ESPNL: variants seen among roughly 807,000 people sequenced by gnomAD.
The protein encoded by ESPNL is espin like.
Under a neutral mutation model 46.8 loss-of-function variants are expected in ESPNL, and 49 were observed. That is an observed-to-expected ratio of 1.05 (90% CI 0.83 to 1.33). The LOEUF (loss-of-function observed/expected upper bound fraction) is 1.33, where lower values mean the gene tolerates loss of function less well. Among genes scored for constraint, ESPNL ranks in the 40% most tolerant of loss-of-function variants. The pLI is 0.00. For synonymous variants in ESPNL, 664 were observed against 662.1 expected (o/e 1.00, Z -0.04); for missense variants, 1,540 against 1,436.6 (o/e 1.07, Z -1.16).
intron 5 of ESPNL, among the ~76,000 whole-genome samples, chr2:238,117,874 G>A (rs145365944): frequency 1.2e-4 from 18 of 152,200 alleles, no homozygotes; most frequent in African/African-American, 4.3e-4. Flanking sequence ...ATACATGGAG[G>A]GGGGAGAGCT....
Position 238,114,541 on chromosome 2 carries a change from C to T in ESPNL, c.856-2362C>T, listed in dbSNP as rs942427577. Among the ~76,000 whole-genome samples, 2 of 152,182 alleles carry T rather than the reference C, an allele frequency of 1.3e-5. No individual in the cohort carries two copies. The highest frequency in any genetic ancestry group is 1.9e-4 in the East Asian group (1 of 5,178). On this transcript the variant is annotated intron_variant, in intron 4 of 8. Transcript: ENST00000343063. This position sits in a 1 kb window ranked among gnomAD's most constrained non-coding sequence, Gnocchi z 5.0. ...CGACCTGCCCCAGCCTCCCCAGCCC[C>T]GGTGTCCTTGCACATCTGACAAATG...
At chr2:238,107,146 A>T (rs1019761866) in intron 3 of ESPNL, among the ~76,000 whole-genome samples, 2 of 152,194 alleles carry the variant, frequency 1.3e-5, no homozygotes, top group African/African-American at 2.4e-5. Context: ...CCCAGGCCCC[A>T]TGTCTGTCCC....
At chr2:238,113,761 G>C in intron 4 of ESPNL, among the ~76,000 whole-genome samples, 1 of 152,112 alleles carries the variant, frequency 6.6e-6, no homozygotes, top group East Asian at 1.9e-4. Context: ...TGGCCACATC[G>C]GGAGGTGGTC....
Position 238,131,980 on chromosome 2 carries a change from C to G in ESPNL, c.*248C>G. 1 of 447,218 alleles carries G rather than the reference C, an allele frequency of 2.2e-6. No individual in the cohort carries two copies. The highest frequency in any genetic ancestry group is 3.7e-5 in the East Asian group (1 of 26,970). 27.7% of individuals were successfully genotyped at this position (447,218 alleles called of 1,614,324 possible). A position where few individuals can be genotyped will look rare whatever the true frequency, so the allele number is the denominator to read the frequency against. On this transcript the variant is annotated 3_prime_UTR_variant, in exon 9 of 9. Transcript: ENST00000343063. The stretch of plus-strand genomic sequence containing the variant: ...GTCCTGAAGTGAGGCAATGGGCCAC[C>G]CCAGTCCAGGGCACCTCTGCCCAGC...
At chr2:238,126,885 CTGTG>C (rs890621409) in intron 6 of ESPNL, among the ~76,000 whole-genome samples, 1 of 118,076 alleles carries the variant, frequency 8.5e-6, no homozygotes, top group Non-Finnish European at 1.7e-5. Context: ...GTCTGTATGT[CTGTG>C]TGATTGTGTG....
At chr2:238,103,530 G>A (rs141405712) in intron 2 of ESPNL, among the ~76,000 whole-genome samples, 579 of 152,214 alleles carry the variant, frequency 3.8e-3, no homozygotes, top group African/African-American at 0.013. Context: ...CCTAGTTCCC[G>A]CCTGGCATTG....
chr2:238,128,783 A>G lies in ESPNL; in HGVS notation c.1292A>G (p.Asp431Gly). ...ALQLDGLPSG[D>G]IDGLVPTRDE... ...CAGCTGGATGGGCTGCCCTCAGGCGACATCGACGGGCTGGTGCCCACGCGG... is the reference window on the plus strand; with the variant it reads ...CAGCTGGATGGGCTGCCCTCAGGCGGCATCGACGGGCTGGTGCCCACGCGG... The change falls in exon 8 of 9, where the codon GAC (aspartate) becomes GGC (glycine). Residue 431 changes from aspartate to glycine, a missense_variant. By Grantham distance (94) the Asp-to-Gly change is moderately conservative. Transcript: ENST00000343063. 6.3e-7 allele frequency: 1 copy of G among 1,579,702 alleles called. No homozygotes were observed. Among genetic ancestry groups the G allele is most frequent in the South Asian group, 1.2e-5 (1 of 86,224 alleles).
intron 4 of ESPNL, among the ~76,000 whole-genome samples, chr2:238,113,034 A>G (rs1427943567): frequency 6.6e-6 from 1 of 152,226 alleles, no homozygotes; most frequent in African/African-American, 2.4e-5. Flanking sequence ...CTGGATTTCA[A>G]GTGGATCGAG....
intron 4 of ESPNL, among the ~76,000 whole-genome samples, chr2:238,112,142 C>A (rs1691728519): frequency 6.6e-6 from 1 of 151,578 alleles, no homozygotes; most frequent in Admixed American, 6.6e-5. Context: ...CTGGCTGTTT[C>A]TTTGAGGGAA....
chr2:238,101,080 G>C (rs1212088253), intron 1 of ESPNL, among the ~76,000 whole-genome samples: 2 of 152,228 alleles, frequency 1.3e-5, no homozygotes, highest in African/African-American at 4.8e-5. Context: ...TTGGGCTTGA[G>C]AGCTGGGAGC....
At chr2:238,101,739 T>A (rs915047230) in intron 1 of ESPNL, among the ~76,000 whole-genome samples, 1 of 152,014 alleles carries the variant, frequency 6.6e-6, no homozygotes, top group Non-Finnish European at 1.5e-5. Flanking sequence ...TGGACCTGAG[T>A]CCTGGCCCTC....
rs775828964 is a variant in ESPNL at position 238,128,905 on chromosome 2, G to A, written c.1413+1G>A. The A allele has an allele frequency of 9.6e-5, 147 of 1,536,704 alleles. No individual in the cohort carries two copies. Among genetic ancestry groups the A allele is most frequent in the Non-Finnish European group, 1.3e-4 (144 of 1,143,652 alleles). On this transcript the variant is annotated splice_donor_variant, in intron 8 of 8. Transcript: ENST00000343063. LOFTEE classifies it high-confidence loss of function. ...CGCAGAGAGCTCCGCAGAGGCCCAG[G>A]TAGGCCCCCGGCAGGGGCGGGACCA... is the stretch of plus-strand genomic sequence containing the variant.
Position 238,101,925 on chromosome 2 carries a change from A to ACCCGGGG in ESPNL, c.295-14_295-8dup. 6.3e-7 allele frequency: 1 copy of ACCCGGGG among 1,597,262 alleles called. No individual in the cohort carries two copies. Among genetic ancestry groups the ACCCGGGG allele is most frequent in the Middle Eastern group, 1.9e-4 (1 of 5,304 alleles). On this transcript the variant is annotated splice_polypyrimidine_tract_variant and intron_variant, in intron 1 of 8. Coordinates refer to ENST00000343063, the MANE Select transcript of ESPNL (RefSeq NM_194312.4). ...CGGCCTACCCCCCACTCACTGACCT[A>ACCCGGGG]CCCGGGGCTTGGTAGGACCAAGATG...
At chr2:238,113,037 G>C (rs1691744587) in intron 4 of ESPNL, among the ~76,000 whole-genome samples, 1 of 152,220 alleles carries the variant, frequency 6.6e-6, no homozygotes, top group Non-Finnish European at 1.5e-5. Flanking sequence ...GATTTCAAGT[G>C]GATCGAGAGA....
rs372989769 is a variant in ESPNL at position 238,124,911 on chromosome 2, C to T, written c.988-359C>T. Among the ~76,000 whole-genome samples the T allele has an allele frequency of 4.6e-5, 7 of 152,260 alleles. No homozygotes were observed. The East Asian group carries it at 1.4e-3, about 29-fold the overall frequency. On this transcript the variant is annotated intron_variant, in intron 5 of 8. Coordinates refer to ENST00000343063, the MANE Select transcript of ESPNL (RefSeq NM_194312.4). The stretch of plus-strand genomic sequence containing the variant: ...CACATGTCTTTGTGAGACCACAGGG[C>T]GCTGGGCACAGCTGGAAACCAGGCC...
chr2:238,112,428 T>G (rs1475772879), intron 4 of ESPNL, among the ~76,000 whole-genome samples: 3 of 152,154 alleles, frequency 2.0e-5, no homozygotes, highest in Non-Finnish European at 4.4e-5. Flanking sequence ...CCTCACTAGA[T>G]GTTAGTCAGT....
chr2:238,130,515 C>G lies in ESPNL; in HGVS notation c.1801C>G (p.Arg601Gly), dbSNP rs1208062055. ...GTGCAGCCACATCTCCCGCCTGGTA[C>G]GCAGCCTGTCCCTGCTGCTGAAGGG... is the stretch of plus-strand genomic sequence containing the variant. The part of the protein sequence containing the change: ...FWCSHISRLV[R>G]SLSLLLKGVH... Residue 601 changes from arginine to glycine, a missense_variant, in exon 9 of 9, where the codon CGC becomes GGC. Arg to Gly is a moderately radical substitution (Grantham distance 125). Transcript: ENST00000343063. 1 of 1,597,460 alleles carries G rather than the reference C, an allele frequency of 6.3e-7. No homozygotes were observed. The highest frequency in any genetic ancestry group is 1.7e-5 in the Admixed American group (1 of 57,854).
chr2:238,130,666 CTG>C lies in ESPNL; in HGVS notation c.1955_1956del (p.Val652AlafsTer41). 6.4e-7 allele frequency: 1 copy of C among 1,561,974 alleles called. No individual in the cohort carries two copies. On this transcript the variant is annotated frameshift_variant, in exon 9 of 9. Coordinates refer to ENST00000343063, the MANE Select transcript of ESPNL (RefSeq NM_194312.4). LOFTEE classifies it low-confidence loss of function (END_TRUNC). ...CGCCAGATCCAGGAGTGGGGGGTGTCTGTGCGGACGCTGCGGGGCAACTTCGA... is the reference window on the plus strand; with the variant it reads ...CGCCAGATCCAGGAGTGGGGGGTGTCTGCGGACGCTGCGGGGCAACTTCGA...
intron 6 of ESPNL, among the ~76,000 whole-genome samples, chr2:238,126,921 C>CTGTGTGTCTGTGATTGTGTCTG (rs139360109): frequency 0.36 from 53,066 of 146,346 alleles, 10,639 homozygotes; most frequent in African/African-American, 0.54. Context: ...ATGATCGTGT[C>CTGTGTGTCTGTGATTGTGTCTG]TGTGTGTCTG....
Sources: gnomAD v4.1 joint callset for allele counts (sites outside exome capture counted in the v4.1 genomes callset) on GRCh38, gnomAD v4.1.1 for gene constraint, Gnocchi (gnomAD v3.1) non-coding constraint, MANE v1.5 for transcripts, NCBI Gene and HGNC (gene_info 2026-07-23, HGNC 2026-07-21) for gene names.